Variants in SCAF4 observed in about 807,000 individuals in gnomAD.
The protein encoded by SCAF4 is SR-related and CTD-associated factor 4.
SCAF4 carries 25 observed loss-of-function variants against 129.8 expected under a neutral mutation model. That is an observed-to-expected ratio of 0.19 (90% CI 0.14 to 0.27). The LOEUF (loss-of-function observed/expected upper bound fraction) is 0.27, where lower values mean the gene tolerates loss of function less well. SCAF4 is among the 10% of genes least tolerant of loss of function. The pLI, the probability that SCAF4 is intolerant of heterozygous loss-of-function variation, is 1.00. For synonymous variants in SCAF4, 551 were observed against 497.7 expected (o/e 1.11, Z -1.43); for missense variants, 1,246 against 1,457.1 (o/e 0.86, Z 2.36).
chr21:31,703,114 A>C (rs8134370), intron 4 of SCAF4, among the ~76,000 whole-genome samples: 3,728 of 152,220 alleles, frequency 0.024, 151 homozygotes, highest in African/African-American at 0.086. Context: ...CTGATTGCTA[A>C]TGAATACCAC....
intron 19 of SCAF4, among the ~76,000 whole-genome samples, chr21:31,675,514 C>CACAG (rs2049830910): frequency 6.6e-6 from 1 of 152,172 alleles, no homozygotes; most frequent in Non-Finnish European, 1.5e-5. Context: ...GATGTAGGAA[C>CACAG]ACAGCTCTCT....
intron 1 of SCAF4, among the ~76,000 whole-genome samples, chr21:31,720,315 T>A (rs1420807023): frequency 6.6e-6 from 1 of 152,222 alleles, no homozygotes; most frequent in African/African-American, 2.4e-5. Flanking sequence ...GTAAAAAGAA[T>A]AGACATCTTT....
intron 1 of SCAF4, among the ~76,000 whole-genome samples, chr21:31,715,662 T>C (rs1359436876): frequency 6.6e-6 from 1 of 152,210 alleles, no homozygotes; most frequent in Non-Finnish European, 1.5e-5. Context: ...TAGCTCCAGC[T>C]ATTCCAATCA....
At position 31,688,377 on chromosome 21, in the gene SCAF4, A is replaced by G. The variant is rs559414035; in HGVS notation, c.1973T>C (p.Ile658Thr). The change falls in exon 16 of 20, where the codon ATA becomes ACA. Residue 658 changes from isoleucine to threonine, a missense_variant. By Grantham distance (89) the Ile-to-Thr change is moderately conservative (BLOSUM62 -1). Coordinates refer to ENST00000286835, the MANE Select transcript of SCAF4 (RefSeq NM_020706.2). ...GACAGGCACAGGTAATGGTTTAGGT[A>G]TGGGTGATACTGGTTCTGTGTGTGA... ...ETSHTEPVSP[I>T]PKPLPVPVPP... 5 of 1,613,866 alleles carry G rather than the reference A, an allele frequency of 3.1e-6. No homozygotes were observed. In the African/African-American group the frequency reaches 4.0e-5, roughly 13 times the overall value.
chr21:31,694,430 C>CA (rs2050334076), intron 10 of SCAF4, 141 bp from the exon 11 acceptor site: 1 of 571,360 alleles, frequency 1.8e-6, no homozygotes, highest in Non-Finnish European at 3.0e-6. Context: ...TTACTAGTAA[C>CA]AACTGGCCAT....
chr21:31,730,614 T>C (rs1290040535), intron 1 of SCAF4, among the ~76,000 whole-genome samples: 1 of 152,222 alleles, frequency 6.6e-6, no homozygotes, highest in Non-Finnish European at 1.5e-5. Flanking sequence ...TTTTTCAATG[T>C]TGCTTTATCT....
intron 1 of SCAF4, among the ~76,000 whole-genome samples, chr21:31,709,600 AAAAGT>A (rs1245003017): frequency 6.6e-6 from 1 of 152,182 alleles, no homozygotes; most frequent in Non-Finnish European, 1.5e-5. Flanking sequence ...TTAAAAAATT[AAAAGT>A]AAAGACTATA....
In SCAF4 at chr21:31,706,191, C is replaced by G. The variant is rs987589989; in HGVS notation, c.114+83G>C. On this transcript the variant is annotated intron_variant, in intron 2 of 19. Transcript: ENST00000286835. Reference sequence around the variant, plus strand: ...TTTGATTTAGGCCTGAACTAATTCACAAGTTGACTTCTCATGTTTAAAAGT... The same window carrying G: ...TTTGATTTAGGCCTGAACTAATTCAGAAGTTGACTTCTCATGTTTAAAAGT... The G allele has an allele frequency of 1.5e-4, 136 of 923,726 alleles. No homozygotes were observed. The East Asian group carries it at 1.6e-3, about 11-fold the overall frequency. The allele number at this position is 923,726 out of a possible 1,614,324, so 57.2% of individuals were successfully genotyped here.
At chr21:31,697,729 C>T (rs2050423246) in intron 7 of SCAF4, among the ~76,000 whole-genome samples, 1 of 152,194 alleles carries the variant, frequency 6.6e-6, no homozygotes, top group Non-Finnish European at 1.5e-5. Context: ...TATTGAACAA[C>T]ACATTTCTAA....
At chr21:31,714,399 G>C (rs1015827976) in intron 1 of SCAF4, among the ~76,000 whole-genome samples, 22 of 152,152 alleles carry the variant, frequency 1.4e-4, no homozygotes, top group African/African-American at 5.3e-4. Context: ...GATAAGCATA[G>C]TGGAAAAGAA....
At chr21:31,713,272 G>A (rs1544) in intron 1 of SCAF4, among the ~76,000 whole-genome samples, 35,081 of 152,098 alleles carry the variant, frequency 0.23, 4,577 homozygotes, top group East Asian at 0.32. Context: ...TTAGAATAAC[G>A]GTAAGTGCAC....
At chr21:31,712,928 G>A (rs916221291) in intron 1 of SCAF4, 2 of 943,592 alleles carry the variant, frequency 2.1e-6, no homozygotes, top group African/African-American at 1.8e-5. Context: ...CTTAATAAAT[G>A]TCTTGGTCTC....
chr21:31,682,243 G>C (rs1013080537), intron 19 of SCAF4, among the ~76,000 whole-genome samples: 1 of 152,124 alleles, frequency 6.6e-6, no homozygotes, highest in East Asian at 1.9e-4. Flanking sequence ...GCTGGGCGTG[G>C]TGGCACGCGC....
intron 18 of SCAF4, 74 bp from the exon 19 acceptor site, chr21:31,685,314 C>G: frequency 6.7e-7 from 1 of 1,489,068 alleles, no homozygotes; most frequent in East Asian, 2.3e-5. Flanking sequence ...TTATGCCATA[C>G]TATAGATCCT....
intron 11 of SCAF4, 26 bp downstream of exon 11, chr21:31,694,178 T>C: frequency 7.3e-7 from 1 of 1,369,630 alleles, no homozygotes; most frequent in Non-Finnish European, 1.0e-6. Context: ...TATACAGGGT[T>C]GGAAAAAACA....
chr21:31,693,821 C>A (rs2833482), intron 11 of SCAF4, among the ~76,000 whole-genome samples: 17,475 of 152,158 alleles, frequency 0.11, 1,413 homozygotes, highest in East Asian at 0.32. Flanking sequence ...TTAGTAAAGT[C>A]TTTTCTGCAG....
chr21:31,725,848 T>C (rs2051188096), intron 1 of SCAF4, among the ~76,000 whole-genome samples: 1 of 152,194 alleles, frequency 6.6e-6, no homozygotes, highest in African/African-American at 2.4e-5. Flanking sequence ...CAAAATGATG[T>C]CACTCTTTAT....
chr21:31,703,930 C>G lies in SCAF4; in HGVS notation c.160-4G>C. ...GAACCTTGTATTCTGGTTTACACTG[C>G]AAGGATAAAGATGTAAGATCAGTAC... On this transcript the variant is annotated splice_polypyrimidine_tract_variant and splice_region_variant and intron_variant, in intron 3 of 19. Coordinates refer to ENST00000286835, the MANE Select transcript of SCAF4 (RefSeq NM_020706.2). 2.0e-6 allele frequency: 3 copies of G among 1,535,116 alleles called. No homozygotes were observed. Among genetic ancestry groups the G allele is most frequent in the Non-Finnish European group, 2.7e-6 (3 of 1,125,554 alleles).
intron 1 of SCAF4, among the ~76,000 whole-genome samples, chr21:31,725,505 C>A (rs2051179795): frequency 6.6e-6 from 1 of 152,130 alleles, no homozygotes; most frequent in South Asian, 2.1e-4. Flanking sequence ...TAATTTATGT[C>A]CAATTTTAAA....
Sources: gnomAD v4.1 joint callset for allele counts (sites outside exome capture counted in the v4.1 genomes callset) on GRCh38, gnomAD v4.1.1 for gene constraint, MANE v1.5 for transcripts, NCBI Gene and HGNC (gene_info 2026-07-23, HGNC 2026-07-21) for gene names.